HSP90B1: variants seen among roughly 807,000 people sequenced by gnomAD.
The protein encoded by HSP90B1 is endoplasmin.
Under a neutral mutation model 100.4 loss-of-function variants are expected in HSP90B1, and 27 were observed. That is an observed-to-expected ratio of 0.27 (90% CI 0.20 to 0.37). The LOEUF is 0.37. Ranked by LOEUF, HSP90B1 falls within the 10% of genes least tolerant of loss-of-function variation. HSP90B1 has a pLI of 1.00. For synonymous variants in HSP90B1, 304 were observed against 330.8 expected (o/e 0.92, Z 0.88); for missense variants, 678 against 960.5 (o/e 0.71, Z 3.89).
chr12:103,938,391 A>G lies in HSP90B1; in HGVS notation c.907A>G (p.Lys303Glu), dbSNP rs745913051. The stretch of plus-strand genomic sequence containing the variant: ...GGAAGAAGAAGCAGCCAAAGAAGAG[A>G]AAGAAGAATCTGATGATGAAGCTGC... ...MEEEEAAKEE[K>E]EESDDEAAVE... Residue 303 changes from lysine (K) to glutamate (E), a missense_variant, in exon 7 of 18, where the codon AAA becomes GAA. Around this residue, in one of 8 missense-constraint regions of HSP90B1, gnomAD observed 238 missense variants for 346.7 expected, o/e 0.69. Transcript: ENST00000299767. The G allele has an allele frequency of 1.3e-5, 21 of 1,584,426 alleles. No homozygotes were observed. Among genetic ancestry groups the G allele is most frequent in the Non-Finnish European group, 1.6e-5 (18 of 1,159,884 alleles).
chr12:103,933,327 A>G (rs1869819038), intron 4 of HSP90B1, among the ~76,000 whole-genome samples: 1 of 152,214 alleles, frequency 6.6e-6, no homozygotes, highest in African/African-American at 2.4e-5. Context: ...CCTCATCCTC[A>G]GGCTGGGACA....
Position 103,930,804 on chromosome 12 carries a change from T to C in HSP90B1, c.49+240T>C, listed in dbSNP as rs1345303454. Among the ~76,000 whole-genome samples the C allele has an allele frequency of 6.6e-6, 1 of 152,136 alleles. No individual in the cohort carries two copies. Among genetic ancestry groups the C allele is most frequent in the Non-Finnish European group, 1.5e-5 (1 of 68,030 alleles). ...TCTAATAGTATCTCGCCCGGAGGTC[T>C]CAGCGACCTCGGGGTGGGGCCTCTC... On this transcript the variant is annotated intron_variant, in intron 1 of 17. Coordinates refer to ENST00000299767, the MANE Select transcript of HSP90B1 (RefSeq NM_003299.3). The surrounding 1 kb of genome is among the most constrained non-coding windows in gnomAD (Gnocchi z 4.4).
At position 103,932,313 on chromosome 12, in the gene HSP90B1, A is replaced by G; in HGVS notation, c.189A>G (p.Ala63=). The change falls in exon 3 of 18, where the codon GCA becomes GCG. Residue 63 remains alanine (A), a synonymous_variant. Coordinates refer to ENST00000299767, the MANE Select transcript of HSP90B1 (RefSeq NM_003299.3). The part of the protein sequence containing the change: ...EEAIQLDGLN[A]SQIRELREKS... ...CTATTCAGTTGGATGGATTAAATGC[A>G]TCACAAATAAGAGAACTTAGAGAGA... 1 of 1,613,074 alleles carries G rather than the reference A, an allele frequency of 6.2e-7. No individual in the cohort carries two copies. Among genetic ancestry groups the G allele is most frequent in the Non-Finnish European group, 8.5e-7 (1 of 1,179,530 alleles).
chr12:103,934,281 C>T lies in HSP90B1; in HGVS notation c.737C>T (p.Thr246Ile). 6.2e-7 allele frequency: 1 copy of T among 1,611,118 alleles called. No individual in the cohort carries two copies. The highest frequency in any genetic ancestry group is 1.3e-5 in the African/African-American group (1 of 74,978). Reference protein sequence around the residue: ...PRGNTLGRGTTITLVLKEEAS... With the variant: ...PRGNTLGRGTIITLVLKEEAS... ...GGAAACACTCTAGGACGGGGAACGA[C>T]AATTACGTGAGTATGACCAATTCCT... The change falls in exon 5 of 18, where the codon ACA becomes ATA. Residue 246 changes from threonine to isoleucine, a missense_variant. This residue lies in a region of HSP90B1 where 238 missense variants were observed against 346.7 expected (regional missense o/e 0.69). Transcript: ENST00000299767.
chr12:103,940,803 T>C (rs1236774876), intron 8 of HSP90B1, among the ~76,000 whole-genome samples: 1 of 152,218 alleles, frequency 6.6e-6, no homozygotes, highest in Non-Finnish European at 1.5e-5. Context: ...ATGAGACATT[T>C]TATATCCTTT....
chr12:103,935,776 G>A (rs1342307416), intron 5 of HSP90B1, among the ~76,000 whole-genome samples: 1 of 152,168 alleles, frequency 6.6e-6, no homozygotes, highest in African/African-American at 2.4e-5. Flanking sequence ...TCATTCCCAA[G>A]GAAAGATAGA....
Position 103,947,747 on chromosome 12 carries a change from G to A in HSP90B1, c.*85G>A. ...TTTTTGGGAGAGACTTGTTTTGGAT[G>A]CCCCCTAATCCCCTTCTCCCCTGCA... On this transcript the variant is annotated 3_prime_UTR_variant, in exon 18 of 18. Coordinates refer to ENST00000299767, the MANE Select transcript of HSP90B1 (RefSeq NM_003299.3). 1 of 1,161,408 alleles carries A rather than the reference G, an allele frequency of 8.6e-7. No homozygotes were observed. Among genetic ancestry groups the A allele is most frequent in the Non-Finnish European group, 1.3e-6 (1 of 768,554 alleles). The allele number at this position is 1,161,408 out of a possible 1,614,324, so 71.9% of individuals were successfully genotyped here. A position where few individuals can be genotyped will look rare whatever the true frequency, so the allele number is the denominator to read the frequency against.
At chr12:103,947,530 C>G in intron 17 of HSP90B1, 100 bp downstream of exon 17, 1 of 1,591,990 alleles carries the variant, frequency 6.3e-7, no homozygotes, top group South Asian at 1.1e-5. Flanking sequence ...TTACAGAAGT[C>G]AGACTGAGCA....
rs181443618 is a variant in HSP90B1 at position 103,939,431 on chromosome 12, C to T, written c.976-78C>T. 7.7e-6 allele frequency: 5 copies of T among 650,714 alleles called. No homozygotes were observed. In the Admixed American group the frequency reaches 1.4e-4, roughly 18 times the overall value. The allele number at this position is 650,714 out of a possible 1,614,324, so 40.3% of individuals were successfully genotyped here. A position where few individuals can be genotyped will look rare whatever the true frequency, so the allele number is the denominator to read the frequency against. ...GGGTCTTTACATAGTCTTTTGAAAT[C>T]TACTGAAGCCATGGTTACTGCTAGG... On this transcript the variant is annotated intron_variant, in intron 7 of 17. Coordinates refer to ENST00000299767, the MANE Select transcript of HSP90B1 (RefSeq NM_003299.3).
Position 103,939,645 on chromosome 12 carries a change from T to C in HSP90B1, c.1092+20T>C, listed in dbSNP as rs376600945. ...TCAAAGGTAAATATTTATAATTCCCTAGTTTCTGGTTATTAATGAATAGAC... is the reference window on the plus strand; with the variant it reads ...TCAAAGGTAAATATTTATAATTCCCCAGTTTCTGGTTATTAATGAATAGAC... On this transcript the variant is annotated intron_variant, in intron 8 of 17. Transcript: ENST00000299767. The C allele has an allele frequency of 8.7e-7, 1 of 1,146,262 alleles. No homozygotes were observed. Among genetic ancestry groups the C allele is most frequent in the Non-Finnish European group, 1.3e-6 (1 of 797,654 alleles). 71.0% of individuals were successfully genotyped at this position (1,146,262 alleles called of 1,614,324 possible). A position where few individuals can be genotyped will look rare whatever the true frequency, so the allele number is the denominator to read the frequency against.
At chr12:103,940,661 G>A (rs543619959) in intron 8 of HSP90B1, among the ~76,000 whole-genome samples, 2 of 151,970 alleles carry the variant, frequency 1.3e-5, no homozygotes, top group East Asian at 3.9e-4. Context: ...TAATTAATGT[G>A]AGCCACACAT....
chr12:103,946,630 T>G lies in HSP90B1; in HGVS notation c.2040T>G (p.Ser680Arg), dbSNP rs1870243650. 1.2e-6 allele frequency: 2 copies of G among 1,613,122 alleles called. No individual in the cohort carries two copies. The highest frequency in any genetic ancestry group is 1.7e-6 in the Non-Finnish European group (2 of 1,179,124). Residue 680 changes from serine to arginine, a missense_variant, in exon 15 of 18, where the codon AGT becomes AGG. By Grantham distance (110) the Ser-to-Arg change is moderately radical. Coordinates refer to ENST00000299767, the MANE Select transcript of HSP90B1 (RefSeq NM_003299.3). ...GKDISTNYYA[S>R]QKKTFEINPR... ...TATCTCTTAACAGTTACTATGCGAGTCAGAAGAAAACATTTGAAATTAATC... is the reference window on the plus strand; with the variant it reads ...TATCTCTTAACAGTTACTATGCGAGGCAGAAGAAAACATTTGAAATTAATC...
chr12:103,931,528 C>A lies in HSP90B1; in HGVS notation c.57C>A (p.Val19=). The change falls in exon 2 of 18, where the codon GTC becomes GTA. Residue 19 remains valine (V), a synonymous_variant. Coordinates refer to ENST00000299767, the MANE Select transcript of HSP90B1 (RefSeq NM_003299.3). ...CCCGTGTTAAATCTTCAGGGTCGGT[C>A]AGAGCTGACGATGAAGTTGATGTGG... The part of the protein sequence containing the change: ...LCCVLLTFGS[V]RADDEVDVDG... The A allele has an allele frequency of 6.2e-7, 1 of 1,612,846 alleles. No homozygotes were observed. The highest frequency in any genetic ancestry group is 1.1e-5 in the South Asian group (1 of 90,926).
chr12:103,934,117 G>C lies in HSP90B1; in HGVS notation c.573G>C (p.Leu191Phe). ...AQEDGQSTSE[L>F]IGQFGVGFYS... ...AAGATGGCCAGTCAACTTCTGAATTGATTGGCCAGTTTGGTGTCGGTTTCT... is the reference window on the plus strand; with the variant it reads ...AAGATGGCCAGTCAACTTCTGAATTCATTGGCCAGTTTGGTGTCGGTTTCT... Residue 191 changes from leucine to phenylalanine, a missense_variant, in exon 5 of 18, where the codon TTG (leucine) becomes TTC (phenylalanine). Around this residue, in one of 8 missense-constraint regions of HSP90B1, gnomAD observed 238 missense variants for 346.7 expected, o/e 0.69. Coordinates refer to ENST00000299767, the MANE Select transcript of HSP90B1 (RefSeq NM_003299.3). 1 of 1,614,206 alleles carries C rather than the reference G, an allele frequency of 6.2e-7. No homozygotes were observed. Among genetic ancestry groups the C allele is most frequent in the South Asian group, 1.1e-5 (1 of 91,082 alleles).
At position 103,946,957 on chromosome 12, in the gene HSP90B1, C is replaced by A; in HGVS notation, c.2262+16C>A. Reference sequence around the variant, plus strand: ...TGATGCAAAGGTTTGTATCCCCAACCTTCCCGCAAAGGCTGGCTGGCTTTC... The same window carrying A: ...TGATGCAAAGGTTTGTATCCCCAACATTCCCGCAAAGGCTGGCTGGCTTTC... On this transcript the variant is annotated intron_variant, in intron 16 of 17. Transcript: ENST00000299767. 6.2e-7 allele frequency: 1 copy of A among 1,604,192 alleles called. No homozygotes were observed.
rs750181491 is a variant in HSP90B1 at position 103,947,441 on chromosome 12, T to C, written c.2382+11T>C. On this transcript the variant is annotated intron_variant, in intron 17 of 17. Transcript: ENST00000299767. ...GAAGAAACAGCAAAGGTATGGCAAA[T>C]CAAGAATGTGACTTGCATTTTCAGT... is the stretch of plus-strand genomic sequence containing the variant. 2 of 1,614,074 alleles carry C rather than the reference T, an allele frequency of 1.2e-6. No individual in the cohort carries two copies. Among genetic ancestry groups the C allele is most frequent in the Non-Finnish European group, 1.7e-6 (2 of 1,179,982 alleles).
intron 5 of HSP90B1, 68 bp downstream of exon 5, chr12:103,934,355 C>G (rs369887406): frequency 8.1e-7 from 1 of 1,241,334 alleles, no homozygotes. Flanking sequence ...CAGTTCTATT[C>G]TCTGAGCAAA....
chr12:103,942,350 G>A (rs1870104496), intron 11 of HSP90B1, among the ~76,000 whole-genome samples, 177 bp from the exon 12 acceptor site: 1 of 152,164 alleles, frequency 6.6e-6, no homozygotes. Context: ...CTATTTGCAC[G>A]GACAGCTGAA....
chr12:103,938,600 C>A, intron 7 of HSP90B1, 141 bp downstream of exon 7: 2 of 868,990 alleles, frequency 2.3e-6, no homozygotes, highest in Non-Finnish European at 3.5e-6. Context: ...TAAAATAAGG[C>A]CTTTGTTTGT....
Sources: allele counts gnomAD v4.1 joint callset (sites outside exome capture counted in the v4.1 genomes callset), GRCh38; gene constraint gnomAD v4.1.1; regional missense constraint gnomAD v4.1.1; non-coding constraint Gnocchi (gnomAD v3.1); transcripts MANE v1.5; gene names NCBI Gene and HGNC (gene_info 2026-07-23, HGNC 2026-07-21).